KIAA0825: variants seen among roughly 807,000 people sequenced by gnomAD.
KIAA0825 encodes the protein KIAA0825, also known as uncharacterized protein KIAA0825.
In KIAA0825, 119 loss-of-function variants were observed where a neutral mutation model predicts 147.6. The ratio of observed to expected loss-of-function variants is 0.81; its 90% CI spans 0.69 to 0.94. The LOEUF (loss-of-function observed/expected upper bound fraction) is 0.94. Among genes scored for constraint, KIAA0825 ranks in the 40% least tolerant of loss-of-function variants. The pLI is 0.00. For synonymous variants in KIAA0825, 470 were observed against 518.1 expected, an observed-to-expected ratio of 0.91 and a Z score of 1.26; for missense variants, 1,381 against 1,472.7, an observed-to-expected ratio of 0.94 and a Z score of 1.02.
At chr5:94,579,763 C>T (rs1781738884) in intron 2 of KIAA0825, among the ~76,000 whole-genome samples, 1 of 152,078 alleles carries the variant, frequency 6.6e-6, no homozygotes, top group Admixed American at 6.6e-5. Flanking sequence ...TCAAAACAGG[C>T]ATTTTAGTTT....
chr5:94,193,672 A>G lies in KIAA0825; in HGVS notation c.3711-39548T>C, dbSNP rs115887556. Reference sequence around the variant, plus strand: ...TCTACTTAGATCTCACAACAACCCTATGAAATATGTACTGTTATCATTCTC... The same window carrying G: ...TCTACTTAGATCTCACAACAACCCTGTGAAATATGTACTGTTATCATTCTC... On this transcript the variant is annotated intron_variant, in intron 20 of 20. Transcript: ENST00000682413. Among the ~76,000 whole-genome samples the G allele has an allele frequency of 6.3e-4, 96 of 152,276 alleles. 1 individual carries two copies. Among genetic ancestry groups the G allele is most frequent in the African/African-American group, 2.3e-3 (94 of 41,562 alleles).
At chr5:94,155,365 A>G (rs1157562939) in intron 20 of KIAA0825, among the ~76,000 whole-genome samples, 1 of 151,182 alleles carries the variant, frequency 6.6e-6, no homozygotes, top group Non-Finnish European at 1.5e-5. Context: ...CTATAGGTGC[A>G]CACCACCATG....
At chr5:94,200,186 A>G (rs1402171875) in intron 20 of KIAA0825, among the ~76,000 whole-genome samples, 1 of 152,078 alleles carries the variant, frequency 6.6e-6, no homozygotes. Flanking sequence ...CTCCCTGCCA[A>G]CTCAAATGTC....
At chr5:94,194,608 G>T (rs137922727) in intron 20 of KIAA0825, among the ~76,000 whole-genome samples, 6 of 152,188 alleles carry the variant, frequency 3.9e-5, no homozygotes, top group Admixed American at 3.9e-4. Context: ...CCACCAGGCC[G>T]CAGAGGGACA....
At chr5:94,400,156 T>C (rs1751197987) in intron 16 of KIAA0825, among the ~76,000 whole-genome samples, 1 of 152,170 alleles carries the variant, frequency 6.6e-6, no homozygotes, top group South Asian at 2.1e-4. Flanking sequence ...TGAAGGCTGT[T>C]GTTGAAATTT....
At chr5:94,608,474 A>AATATATATTATATATATAAT (rs1787995249) in intron 1 of KIAA0825, among the ~76,000 whole-genome samples, 1 of 14,516 alleles carries the variant, frequency 6.9e-5, no homozygotes. Flanking sequence ...TTATATATAT[A>AATATATATTATATATATAAT]ATATATATAT....
intron 20 of KIAA0825, among the ~76,000 whole-genome samples, chr5:94,301,205 G>A (rs907984705): frequency 6.6e-6 from 1 of 152,024 alleles, no homozygotes. Context: ...GAAAGAAAAC[G>A]TGTGTAAATT....
chr5:94,527,572 G>A (rs2151265741), intron 3 of KIAA0825, among the ~76,000 whole-genome samples: 1 of 151,846 alleles, frequency 6.6e-6, no homozygotes, highest in East Asian at 1.9e-4. Context: ...ATTTATTACA[G>A]TATGGAAAAC....
intron 6 of KIAA0825, among the ~76,000 whole-genome samples, chr5:94,483,754 A>T (rs921695881): frequency 6.6e-6 from 1 of 151,842 alleles, no homozygotes; most frequent in Non-Finnish European, 1.5e-5. Context: ...TTTAATGTAA[A>T]ACAAAATCCA....
At chr5:94,261,392 A>G (rs1776487576) in intron 20 of KIAA0825, among the ~76,000 whole-genome samples, 1 of 152,200 alleles carries the variant, frequency 6.6e-6, no homozygotes, top group Admixed American at 6.5e-5. Context: ...CTGGATACAT[A>G]GGGATGCAGC....
At chr5:94,418,200 A>G (rs372011781) in intron 14 of KIAA0825, among the ~76,000 whole-genome samples, 27 of 152,282 alleles carry the variant, frequency 1.8e-4, no homozygotes, top group East Asian at 7.7e-4. Flanking sequence ...ATTTCAGAAT[A>G]AATAGATTTC....
intron 20 of KIAA0825, among the ~76,000 whole-genome samples, chr5:94,263,650 T>A (rs1222983746): frequency 1.4e-5 from 2 of 147,564 alleles, no homozygotes; most frequent in Non-Finnish European, 3.0e-5. Context: ...TTCTTCAATG[T>A]CTCTCTCTCT....
intron 20 of KIAA0825, among the ~76,000 whole-genome samples, chr5:94,229,806 T>C (rs1332280456): frequency 6.6e-6 from 1 of 152,160 alleles, no homozygotes; most frequent in Non-Finnish European, 1.5e-5. Context: ...TCTGAGAATA[T>C]TTATTGTAGA....
chr5:94,520,500 T>C lies in KIAA0825; in HGVS notation c.718A>G (p.Ile240Val). 6.2e-7 allele frequency: 1 copy of C among 1,613,034 alleles called. No individual in the cohort carries two copies. The highest frequency in any genetic ancestry group is 8.5e-7 in the Non-Finnish European group (1 of 1,179,156). Residue 240 changes from isoleucine (I) to valine (V), a missense_variant, in exon 5 of 21, where the codon ATA becomes GTA. Coordinates refer to ENST00000682413, the MANE Select transcript of KIAA0825 (RefSeq NM_001145678.3). Reference protein sequence around the residue: ...SYNRDSNLDVIAHGYQSTMLK... With the variant: ...SYNRDSNLDVVAHGYQSTMLK... ...ATTGTACTTTGATATCCATGAGCTA[T>C]TACATCTAAATTTGAATCTCTGTTG...
chr5:94,247,613 C>T (rs1235102153), intron 20 of KIAA0825, among the ~76,000 whole-genome samples: 2 of 152,086 alleles, frequency 1.3e-5, no homozygotes, highest in African/African-American at 2.4e-5. Context: ...TTATCCAGCA[C>T]GTATTTTGCT....
intron 20 of KIAA0825, among the ~76,000 whole-genome samples, chr5:94,161,676 TGAA>T (rs1393350544): frequency 1.3e-5 from 2 of 152,240 alleles, no homozygotes; most frequent in Admixed American, 6.5e-5. Flanking sequence ...TGCAGTTTGT[TGAA>T]GAAGACTTCG....
chr5:94,305,350 A>C (rs1235022443), intron 20 of KIAA0825, among the ~76,000 whole-genome samples: 1 of 151,948 alleles, frequency 6.6e-6, no homozygotes, highest in Non-Finnish European at 1.5e-5. Context: ...CCTGCTAGTG[A>C]AAATGGTCTA....
intron 13 of KIAA0825, among the ~76,000 whole-genome samples, chr5:94,440,979 T>C (rs963371507): frequency 4.6e-5 from 7 of 151,790 alleles, no homozygotes; most frequent in Non-Finnish European, 1.0e-4. Context: ...CTTAAGGACA[T>C]AGGAATAGGG....
intron 20 of KIAA0825, among the ~76,000 whole-genome samples, chr5:94,342,224 T>A (rs1782479330): frequency 6.6e-6 from 1 of 151,466 alleles, no homozygotes; most frequent in Non-Finnish European, 1.5e-5. Context: ...CCTGAAGGAT[T>A]TGCACCAAAA....
Sources: gnomAD v4.1 joint callset for allele counts (sites outside exome capture counted in the v4.1 genomes callset) on GRCh38, gnomAD v4.1.1 for gene constraint, MANE v1.5 for transcripts, NCBI Gene and HGNC (gene_info 2026-07-23, HGNC 2026-07-21) for gene names.